Variants in TLK1 observed in about 807,000 individuals in gnomAD.
TLK1 encodes serine/threonine-protein kinase tousled-like 1.
TLK1 carries 24 observed loss-of-function variants against 105.3 expected under a neutral mutation model. The ratio of observed to expected loss-of-function variants is 0.23; its 90% CI spans 0.17 to 0.32. The LOEUF (loss-of-function observed/expected upper bound fraction) is 0.32, where lower values mean the gene tolerates loss of function less well. Among genes scored for constraint, TLK1 ranks in the 10% least tolerant of loss-of-function variants. The probability of loss-of-function intolerance (pLI) is 1.00; values close to 1 mark genes in which losing one functional copy is unlikely to be tolerated. For missense variants in TLK1, 558 were observed against 910.5 expected (o/e 0.61, Z 4.98); for synonymous variants, 321 against 310.4 (o/e 1.03, Z -0.36).
intron 2 of TLK1, chr2:171,091,621 C>G (rs1025483752): frequency 6.6e-6 from 1 of 152,092 alleles, no homozygotes; most frequent in African/African-American, 2.4e-5. Flanking sequence ...TACCTATAAT[C>G]GAGAAACAAA....
intron 11 of TLK1, among the ~76,000 whole-genome samples, chr2:171,041,991 C>G (rs541601695): frequency 6.6e-6 from 1 of 152,294 alleles, no homozygotes; most frequent in South Asian, 2.1e-4. Context: ...CTTCTGTGGC[C>G]TTTTGCCCTA....
chr2:171,165,848 T>G (rs1308680518), upstream of TLK1, among the ~76,000 whole-genome samples: 1 of 151,850 alleles, frequency 6.6e-6, no homozygotes, highest in Non-Finnish European at 1.5e-5. Flanking sequence ...GAGGCGGAGG[T>G]TGCAGTGAGC....
At chr2:171,166,094 A>G (rs1320392047) in intron 1 of TLK1, among the ~76,000 whole-genome samples, 1 of 152,242 alleles carries the variant, frequency 6.6e-6, no homozygotes, top group Non-Finnish European at 1.5e-5. Context: ...GAGAGTAGTT[A>G]TAACTCCTAG....
At chr2:171,099,543 T>A (rs537818815) in intron 2 of TLK1, among the ~76,000 whole-genome samples, 2 of 152,036 alleles carry the variant, frequency 1.3e-5, no homozygotes, top group Admixed American at 1.3e-4. Context: ...GGACCCAGAA[T>A]AGCCAAAATA....
chr2:171,077,521 A>T (rs1056653136), intron 3 of TLK1, among the ~76,000 whole-genome samples: 1 of 152,226 alleles, frequency 6.6e-6, no homozygotes, highest in East Asian at 1.9e-4. Flanking sequence ...TTTCTCCTCA[A>T]TTAACTACAA....
At chr2:171,143,889 G>C (rs1691689981) in intron 1 of TLK1, among the ~76,000 whole-genome samples, 1 of 152,090 alleles carries the variant, frequency 6.6e-6, no homozygotes, top group Non-Finnish European at 1.5e-5. Flanking sequence ...CACTCAAGAG[G>C]CAGAAATTAC....
chr2:171,124,431 A>T (rs553138382), intron 1 of TLK1, among the ~76,000 whole-genome samples: 2 of 152,346 alleles, frequency 1.3e-5, no homozygotes, highest in South Asian at 4.1e-4. Flanking sequence ...AAAAAATTTC[A>T]ATCTCAGCCT....
chr2:171,054,045 C>T (rs952068966), intron 7 of TLK1, 192 bp from the exon 8 acceptor site: 1 of 413,160 alleles, frequency 2.4e-6, no homozygotes, highest in Non-Finnish European at 4.3e-6. Flanking sequence ...TACCAAGAAA[C>T]ATCTAGAAAG....
At chr2:171,113,000 CA>C (rs960992183) in intron 2 of TLK1, among the ~76,000 whole-genome samples, 6 of 151,228 alleles carry the variant, frequency 4.0e-5, no homozygotes, top group Admixed American at 1.3e-4. Flanking sequence ...GAAAAAGACA[CA>C]AAAAAAGCTA....
At chr2:171,095,199 C>T (rs941688321) in intron 2 of TLK1, among the ~76,000 whole-genome samples, 10 of 151,872 alleles carry the variant, frequency 6.6e-5, no homozygotes, top group Admixed American at 2.0e-4. Flanking sequence ...CATAACCCAA[C>T]CGTCCACCCA....
chr2:171,000,301 C>T (rs1046333884), intron 18 of TLK1, among the ~76,000 whole-genome samples: 3 of 148,986 alleles, frequency 2.0e-5, no homozygotes, highest in Non-Finnish European at 4.4e-5. Context: ...ATCGCTTGAA[C>T]CTGGGAGGCA....
At chr2:171,212,901 T>TA (rs11452467) in intron 1 of TLK1, among the ~76,000 whole-genome samples, 115,927 of 151,152 alleles carry the variant, frequency 0.77, 44,803 homozygotes, top group East Asian at 0.92. Context: ...TGTTTTTTTT[T>TA]AAAAAAAACA....
intron 1 of TLK1, among the ~76,000 whole-genome samples, chr2:171,141,187 T>C (rs1374097989): frequency 6.6e-6 from 1 of 152,178 alleles, no homozygotes; most frequent in African/African-American, 2.4e-5. Context: ...ACAGAAGCAC[T>C]ATCCGAAGTG....
chr2:171,031,996 G>A (rs1160390814), intron 11 of TLK1, among the ~76,000 whole-genome samples: 1 of 152,250 alleles, frequency 6.6e-6, no homozygotes. Context: ...GCCGAGGCAT[G>A]AGAATCACTT....
upstream of TLK1, among the ~76,000 whole-genome samples, chr2:171,161,590 G>A (rs1174973463): frequency 6.6e-6 from 1 of 152,150 alleles, no homozygotes; most frequent in African/African-American, 2.4e-5. Flanking sequence ...AGACTGTATG[G>A]TATAGCAATT....
intron 2 of TLK1, among the ~76,000 whole-genome samples, chr2:171,110,006 G>A (rs1222746972): frequency 6.6e-6 from 1 of 152,182 alleles, no homozygotes; most frequent in East Asian, 1.9e-4. Context: ...ACTGGAAAGG[G>A]GCAGAAGAAA....
At chr2:171,100,669 A>AT in intron 2 of TLK1, among the ~76,000 whole-genome samples, 1 of 152,274 alleles carries the variant, frequency 6.6e-6, no homozygotes, top group Non-Finnish European at 1.5e-5. Flanking sequence ...TAAAAAGACA[A>AT]TAATAAGTGT....
intron 2 of TLK1, among the ~76,000 whole-genome samples, chr2:171,089,605 C>CT (rs1558935842): frequency 6.6e-6 from 1 of 152,146 alleles, no homozygotes; most frequent in African/African-American, 2.4e-5. Context: ...TACTGCTGGA[C>CT]TTTATTCTCT....
intron 1 of TLK1, among the ~76,000 whole-genome samples, chr2:171,142,523 G>A (rs1489886239): frequency 1.3e-5 from 2 of 152,092 alleles, no homozygotes; most frequent in Non-Finnish European, 2.9e-5. Context: ...GCAATACTGA[G>A]ATAAAGAGGG....
Sources: allele counts gnomAD v4.1 joint callset (sites outside exome capture counted in the v4.1 genomes callset), GRCh38; gene constraint gnomAD v4.1.1; transcripts MANE v1.5; gene names NCBI Gene and HGNC (gene_info 2026-07-23, HGNC 2026-07-21).